The following ZC2HC1B variants were observed in gnomAD, a reference collection of about 807,000 sequenced individuals.
The protein encoded by ZC2HC1B is zinc finger C2HC-type containing 1B.
Under a neutral mutation model 31.0 loss-of-function variants are expected in ZC2HC1B, and 36 were observed. The ratio of observed to expected loss-of-function variants is 1.16; its 90% CI spans 0.89 to 1.54. The LOEUF is 1.54. Among genes scored for constraint, ZC2HC1B ranks in the 40% most tolerant of loss-of-function variants. The pLI, the probability that ZC2HC1B is intolerant of heterozygous loss-of-function variation, is 0.00. For synonymous variants in ZC2HC1B, 73 were observed against 88.0 expected, an observed-to-expected ratio of 0.83 and a Z score of 0.95; for missense variants, 260 against 268.6, an observed-to-expected ratio of 0.97 and a Z score of 0.22.
rs1294018153 is a variant in ZC2HC1B, at chr6:143,882,325, T to TTA, written c.29-1975_29-1974dup. On this transcript the variant is annotated intron_variant, in intron 1 of 7. Transcript: ENST00000237275. ...CTTGCTTAAAATATGTATACATATT[T>TTA]TATATTTTTTATATATATATATATA... 1.4e-3 allele frequency among the ~76,000 whole-genome samples: 135 copies of TTA among 99,682 alleles called. 3 individuals are homozygous for TTA. The highest frequency in any genetic ancestry group is 5.2e-3 in the African/African-American group (132 of 25,298). The allele number at this position is 99,682 out of a possible 152,430, so 65.4% of individuals were successfully genotyped here.
At chr6:143,928,235 A>G (rs1562348918) in intron 6 of ZC2HC1B, among the ~76,000 whole-genome samples, 1 of 152,176 alleles carries the variant, frequency 6.6e-6, no homozygotes, top group Non-Finnish European at 1.5e-5. Context: ...GTTTTCTTGT[A>G]GAATTTTTAG....
At chr6:143,926,622 G>A (rs1222470379) in intron 6 of ZC2HC1B, among the ~76,000 whole-genome samples, 1 of 151,882 alleles carries the variant, frequency 6.6e-6, no homozygotes, top group East Asian at 1.9e-4. Context: ...ATGTCTTTTA[G>A]GTACGTTGAT....
Position 143,884,237 on chromosome 6 carries a change from T to C in ZC2HC1B, c.29-67T>C. 1 of 1,419,870 alleles carries C rather than the reference T, an allele frequency of 7.0e-7. No individual in the cohort carries two copies. Among genetic ancestry groups the C allele is most frequent in the Non-Finnish European group, 9.6e-7 (1 of 1,043,068 alleles). 88.0% of individuals were successfully genotyped at this position (1,419,870 alleles called of 1,614,324 possible). A position where few individuals can be genotyped will look rare whatever the true frequency, so the allele number is the denominator to read the frequency against. On this transcript the variant is annotated intron_variant, in intron 1 of 7. Coordinates refer to ENST00000237275, the MANE Select transcript of ZC2HC1B (RefSeq NM_001013623.3). The surrounding 1 kb of genome is among the most constrained non-coding windows in gnomAD (Gnocchi z 5.1). The stretch of plus-strand genomic sequence containing the variant: ...ATCAAGCTATTGAGGTCACCTCCAG[T>C]CAGTCATTTCTTCTCAGCGAGGAAA...
rs145060514 is a variant in ZC2HC1B, at chr6:143,883,702, T to G, written c.29-602T>G. 6.6e-6 allele frequency among the ~76,000 whole-genome samples: 1 copy of G among 152,390 alleles called. No individual in the cohort carries two copies. The highest frequency in any genetic ancestry group is 2.4e-5 in the African/African-American group (1 of 41,602). ...ATACTTTTCCAATGTCATTAATTTA[T>G]CTGCATACTTTTTTTCTGTGCTGGT... On this transcript the variant is annotated intron_variant, in intron 1 of 7. Coordinates refer to ENST00000237275, the MANE Select transcript of ZC2HC1B (RefSeq NM_001013623.3). This position sits in a 1 kb window ranked among gnomAD's most constrained non-coding sequence, Gnocchi z 4.1.
intron 6 of ZC2HC1B, among the ~76,000 whole-genome samples, chr6:143,912,227 C>T (rs1015587336): frequency 4.6e-5 from 7 of 152,126 alleles, no homozygotes; most frequent in African/African-American, 1.7e-4. Context: ...TTTATCTCAG[C>T]GAAGTTTATT....
At chr6:143,888,923 A>G (rs949570643) in intron 4 of ZC2HC1B, among the ~76,000 whole-genome samples, 1 of 151,978 alleles carries the variant, frequency 6.6e-6, no homozygotes, top group Admixed American at 6.6e-5. Flanking sequence ...AACTTTTCGT[A>G]CTATATCGAA....
chr6:143,880,881 C>T (rs541560633), intron 1 of ZC2HC1B, among the ~76,000 whole-genome samples: 1 of 152,288 alleles, frequency 6.6e-6, no homozygotes, highest in African/African-American at 2.4e-5. Flanking sequence ...ATGCTGTATG[C>T]CATTTACCCA....
At chr6:143,904,209 T>C (rs1464500655) in intron 6 of ZC2HC1B, among the ~76,000 whole-genome samples, 1 of 152,266 alleles carries the variant, frequency 6.6e-6, no homozygotes, top group Admixed American at 6.5e-5. Context: ...TTTTGCTAAC[T>C]TAATCACCAG....
intron 1 of ZC2HC1B, 58 bp downstream of exon 1, chr6:143,864,625 T>C: frequency 6.5e-7 from 1 of 1,531,106 alleles, no homozygotes. Context: ...AATCATTCAT[T>C]TATGGCTTTT....
At position 143,884,205 on chromosome 6, in the gene ZC2HC1B, T is replaced by A; in HGVS notation, c.29-99T>A. ...CAGTTGGTGGGGAGGGAAAAGAGAG[T>A]GAGGATATCAAGCTATTGAGGTCAC... On this transcript the variant is annotated intron_variant, in intron 1 of 7. Coordinates refer to ENST00000237275, the MANE Select transcript of ZC2HC1B (RefSeq NM_001013623.3). The surrounding 1 kb of genome is among the most constrained non-coding windows in gnomAD (Gnocchi z 5.1). 1.9e-6 allele frequency: 2 copies of A among 1,030,896 alleles called. No individual in the cohort carries two copies. Among genetic ancestry groups the A allele is most frequent in the South Asian group, 2.0e-5 (1 of 50,680 alleles). The allele number at this position is 1,030,896 out of a possible 1,614,324, so 63.9% of individuals were successfully genotyped here.
At chr6:143,935,304 G>A (rs1439512931) in intron 6 of ZC2HC1B, among the ~76,000 whole-genome samples, 2 of 152,170 alleles carry the variant, frequency 1.3e-5, no homozygotes, top group African/African-American at 4.8e-5. Context: ...ATGCACAGAA[G>A]CACTGGTGGG....
chr6:143,915,087 T>C lies in ZC2HC1B; in HGVS notation c.598+11935T>C, dbSNP rs781475561. On this transcript the variant is annotated intron_variant, in intron 6 of 7. Transcript: ENST00000237275. The surrounding 1 kb of genome is among the most constrained non-coding windows in gnomAD (Gnocchi z 5.2). Reference sequence around the variant, plus strand: ...TCCTCGTTTCCTGCATCACTGTTGATATGATTTGGCTGTGTCCTCACCCAA... The same window carrying C: ...TCCTCGTTTCCTGCATCACTGTTGACATGATTTGGCTGTGTCCTCACCCAA... Among the ~76,000 whole-genome samples, 8 of 152,224 alleles carry C rather than the reference T, an allele frequency of 5.3e-5. No individual in the cohort carries two copies. The highest frequency in any genetic ancestry group is 8.8e-5 in the Non-Finnish European group (6 of 68,022).
At chr6:143,879,262 C>T (rs1777440799) in intron 1 of ZC2HC1B, among the ~76,000 whole-genome samples, 1 of 152,160 alleles carries the variant, frequency 6.6e-6, no homozygotes, top group Non-Finnish European at 1.5e-5. Flanking sequence ...AAGTCAGTTA[C>T]AATGTCTATT....
chr6:143,911,230 C>T lies in ZC2HC1B; in HGVS notation c.598+8078C>T, dbSNP rs1777851544. Among the ~76,000 whole-genome samples, 1 of 152,074 alleles carries T rather than the reference C, an allele frequency of 6.6e-6. No individual in the cohort carries two copies. ...TATTGATGGGTCCTGGTTCTTTATC[C>T]AGTTTGCTGCTCTATATCTTTTAAT... On this transcript the variant is annotated intron_variant, in intron 6 of 7. Transcript: ENST00000237275. This position sits in a 1 kb window ranked among gnomAD's most constrained non-coding sequence, Gnocchi z 4.5.
Position 143,895,116 on chromosome 6 carries a change from G to T in ZC2HC1B, c.350-3436G>T, listed in dbSNP as rs1777649108. Among the ~76,000 whole-genome samples the T allele has an allele frequency of 6.6e-6, 1 of 152,106 alleles. No individual in the cohort carries two copies. The highest frequency in any genetic ancestry group is 2.4e-5 in the African/African-American group (1 of 41,416). On this transcript the variant is annotated intron_variant, in intron 4 of 7. Transcript: ENST00000237275. This position sits in a 1 kb window ranked among gnomAD's most constrained non-coding sequence, Gnocchi z 4.8. ...TTGTTTGTGCAAGGATTTTATATTA[G>T]CCCAGAATTCTCAGGCTTAAGTTCT...
chr6:143,909,773 G>A (rs982844156), intron 6 of ZC2HC1B, among the ~76,000 whole-genome samples: 14 of 151,782 alleles, frequency 9.2e-5, no homozygotes, highest in African/African-American at 2.9e-4. Context: ...TATCATTTCC[G>A]ATTGTGTTTA....
intron 6 of ZC2HC1B, among the ~76,000 whole-genome samples, chr6:143,919,396 A>T (rs78223526): frequency 1.4e-5 from 2 of 143,368 alleles, no homozygotes; most frequent in African/African-American, 2.6e-5. Flanking sequence ...GTAGTTTTTT[A>T]AAAAAACATT....
chr6:143,919,733 G>T (rs1031088425), intron 6 of ZC2HC1B, among the ~76,000 whole-genome samples: 6 of 152,182 alleles, frequency 3.9e-5, no homozygotes, highest in Admixed American at 3.9e-4. Flanking sequence ...AGGGGTGGAG[G>T]ATGTGTAGCT....
intron 6 of ZC2HC1B, among the ~76,000 whole-genome samples, chr6:143,920,597 G>A (rs1400734879): frequency 1.3e-5 from 2 of 152,114 alleles, no homozygotes; most frequent in South Asian, 2.1e-4. Context: ...ATGTCACTAA[G>A]TAAAAGGCAA....
Sources: allele counts gnomAD v4.1 joint callset (sites outside exome capture counted in the v4.1 genomes callset), GRCh38; gene constraint gnomAD v4.1.1; non-coding constraint Gnocchi (gnomAD v3.1); transcripts MANE v1.5; gene names NCBI Gene and HGNC (gene_info 2026-07-23, HGNC 2026-07-21).